DIAPH3: variants seen among roughly 807,000 people sequenced by gnomAD.
DIAPH3 encodes the protein protein diaphanous homolog 3.
A neutral mutation model predicts 144.3 loss-of-function variants in DIAPH3; 117 were observed. That is an observed-to-expected ratio of 0.81 (90% confidence interval 0.70 to 0.95). DIAPH3 has a LOEUF of 0.95. DIAPH3 is among the 40% of genes least tolerant of loss of function. The pLI, the probability that DIAPH3 is intolerant of heterozygous loss-of-function variation, is 0.00. For missense variants in DIAPH3, 1,421 were observed against 1,412.7 expected (o/e 1.01, Z -0.09); for synonymous variants, 519 against 488.9 (o/e 1.06, Z -0.81).
At chr13:59,741,450 T>C (rs1233128520) in intron 27 of DIAPH3, among the ~76,000 whole-genome samples, 1 of 152,060 alleles carries the variant, frequency 6.6e-6, no homozygotes, top group East Asian at 1.9e-4. Flanking sequence ...AAACTGTAAG[T>C]ATTGCTAGCA....
intron 25 of DIAPH3, among the ~76,000 whole-genome samples, chr13:59,805,650 A>G (rs912157618): frequency 6.6e-6 from 1 of 151,994 alleles, no homozygotes; most frequent in Non-Finnish European, 1.5e-5. Context: ...AAAACTGTGT[A>G]TGTGAATATT....
At chr13:59,686,915 A>G (rs563541520) in intron 27 of DIAPH3, among the ~76,000 whole-genome samples, 1 of 152,226 alleles carries the variant, frequency 6.6e-6, no homozygotes, top group South Asian at 2.1e-4. Context: ...GTCTTTGACA[A>G]GTCATGGTAT....
intron 1 of DIAPH3, chr13:60,144,656 G>A (rs553530075): frequency 6.6e-6 from 1 of 152,334 alleles, no homozygotes; most frequent in Non-Finnish European, 1.5e-5. Context: ...CCAAGGACAT[G>A]TATGTCTATC....
chr13:60,002,218 A>G (rs2052565198), intron 9 of DIAPH3, among the ~76,000 whole-genome samples: 1 of 152,218 alleles, frequency 6.6e-6, no homozygotes, highest in South Asian at 2.1e-4. Flanking sequence ...CCTGGAAGGC[A>G]GGACTGAGGC....
intron 1 of DIAPH3, among the ~76,000 whole-genome samples, chr13:60,154,793 A>G (rs2138429796): frequency 6.6e-6 from 1 of 152,344 alleles, no homozygotes; most frequent in African/African-American, 2.4e-5. Context: ...TATAGATCTA[A>G]AAGTCAAATT....
intron 12 of DIAPH3, among the ~76,000 whole-genome samples, chr13:59,988,956 A>G (rs1320363989): frequency 6.6e-6 from 1 of 151,900 alleles, no homozygotes; most frequent in Non-Finnish European, 1.5e-5. Flanking sequence ...ATTTCTGTCA[A>G]ACTTTCTTTT....
At chr13:59,960,758 A>G (rs2049710958) in intron 17 of DIAPH3, among the ~76,000 whole-genome samples, 2 of 152,176 alleles carry the variant, frequency 1.3e-5, no homozygotes. Flanking sequence ...CTAAAACTGA[A>G]TCACAACAAG....
intron 12 of DIAPH3, among the ~76,000 whole-genome samples, chr13:59,988,508 G>C (rs1011853080): frequency 2.0e-5 from 3 of 151,664 alleles, no homozygotes; most frequent in Non-Finnish European, 4.4e-5. Context: ...TCTATAATGT[G>C]GCTGAAATTT....
At chr13:59,942,146 A>T (rs969843088) in intron 17 of DIAPH3, among the ~76,000 whole-genome samples, 6 of 152,198 alleles carry the variant, frequency 3.9e-5, no homozygotes, top group Non-Finnish European at 8.8e-5. Context: ...ACCATTATAC[A>T]GATTTCCTTC....
Position 59,980,820 on chromosome 13 carries a change from T to C in DIAPH3, c.1520A>G (p.Glu507Gly). The C allele has an allele frequency of 6.2e-7, 1 of 1,609,696 alleles. No homozygotes were observed. The highest frequency in any genetic ancestry group is 8.5e-7 in the Non-Finnish European group (1 of 1,177,258). The change falls in exon 14 of 28, where the codon GAG (glutamate) becomes GGG (glycine). Residue 507 changes from glutamate (E) to glycine (G), a missense_variant. Glu to Gly is a moderately conservative substitution (Grantham distance 98, BLOSUM62 -2). Coordinates refer to ENST00000400324, the MANE Select transcript of DIAPH3 (RefSeq NM_001042517.2). ...TTTCTTGTAAAGTTCTGATGCTTTC[T>C]CTTCAAACTCTTCTAGTTTTGCTTG... ...IDQAKLEEFEEKASELYKKFE... is the reference protein window; with the variant it reads ...IDQAKLEEFEGKASELYKKFE...
intron 17 of DIAPH3, among the ~76,000 whole-genome samples, chr13:59,934,278 T>C (rs1288715831): frequency 6.6e-6 from 1 of 152,186 alleles, no homozygotes; most frequent in African/African-American, 2.4e-5. Flanking sequence ...TAAGTTTTTT[T>C]CTGGTATGCC....
rs571950108 is a variant in DIAPH3, at chr13:59,861,055, T to C, written c.2737+352A>G. The stretch of plus-strand genomic sequence containing the variant: ...ATTGCTGGTTCTGGTATCAGGTATG[T>C]AATAGGCTATCAGTGCCTATGAATG... On this transcript the variant is annotated intron_variant, in intron 22 of 27. Transcript: ENST00000400324. Among the ~76,000 whole-genome samples, 4 of 152,278 alleles carry C rather than the reference T, an allele frequency of 2.6e-5. No homozygotes were observed. The South Asian group carries it at 6.2e-4, about 24-fold the overall frequency.
At chr13:59,985,711 C>A (rs1475797404) in intron 12 of DIAPH3, among the ~76,000 whole-genome samples, 1 of 80,120 alleles carries the variant, frequency 1.2e-5, no homozygotes, top group East Asian at 2.5e-4. Context: ...CATGAGTGAA[C>A]TCCCATTCAC....
chr13:59,861,296 G>A (rs2043567738), intron 22 of DIAPH3, 111 bp downstream of exon 22: 1 of 1,581,268 alleles, frequency 6.3e-7, no homozygotes, highest in Non-Finnish European at 8.6e-7. Context: ...GAGATATTGG[G>A]TATGAAAACA....
At chr13:59,793,093 C>T (rs2039409233) in intron 25 of DIAPH3, among the ~76,000 whole-genome samples, 1 of 152,186 alleles carries the variant, frequency 6.6e-6, no homozygotes, top group Non-Finnish European at 1.5e-5. Flanking sequence ...ACAGGAACCA[C>T]TTGATGAAAG....
chr13:59,906,059 A>G (rs554375001), intron 20 of DIAPH3, among the ~76,000 whole-genome samples: 1 of 152,224 alleles, frequency 6.6e-6, no homozygotes, highest in South Asian at 2.1e-4. Flanking sequence ...TCATATAGCT[A>G]GGAAGAGGTA....
intron 27 of DIAPH3, among the ~76,000 whole-genome samples, chr13:59,746,194 A>G (rs1452712629): frequency 6.6e-6 from 1 of 152,106 alleles, no homozygotes; most frequent in Non-Finnish European, 1.5e-5. Flanking sequence ...ACAAGTACCA[A>G]CAAGAAAAAT....
At chr13:59,822,674 C>A (rs2041135821) in intron 24 of DIAPH3, among the ~76,000 whole-genome samples, 3 of 152,032 alleles carry the variant, frequency 2.0e-5, no homozygotes, top group Admixed American at 1.3e-4. Context: ...AATCTCCTGA[C>A]CTCGTGATCC....
chr13:59,792,953 C>A (rs1010458483), intron 25 of DIAPH3, among the ~76,000 whole-genome samples: 1 of 152,180 alleles, frequency 6.6e-6, no homozygotes, highest in African/African-American at 2.4e-5. Flanking sequence ...TAATGCTATT[C>A]AGCACTCCTC....
Sources: allele counts gnomAD v4.1 joint callset (sites outside exome capture counted in the v4.1 genomes callset), GRCh38; gene constraint gnomAD v4.1.1; transcripts MANE v1.5; gene names NCBI Gene and HGNC (gene_info 2026-07-23, HGNC 2026-07-21).